The following LYPD6 variants were observed in gnomAD, a reference collection of about 807,000 sequenced individuals.
LYPD6 encodes the protein LY6/PLAUR domain containing 6, also known as ly6/PLAUR domain-containing protein 6.
In LYPD6, 15 loss-of-function variants were observed where a neutral mutation model predicts 22.7. That is an observed-to-expected ratio of 0.66 (90% confidence interval 0.44 to 1.02). The LOEUF (loss-of-function observed/expected upper bound fraction) is 1.02. Ranked by LOEUF, LYPD6 falls within the 50% of genes least tolerant of loss-of-function variation. The probability of loss-of-function intolerance (pLI) is 0.00; values close to 1 mark genes in which losing one functional copy is unlikely to be tolerated. For synonymous variants in LYPD6, 72 were observed against 77.5 expected, an observed-to-expected ratio of 0.93 and a Z score of 0.37; for missense variants, 189 against 208.4, an observed-to-expected ratio of 0.91 and a Z score of 0.57.
intron 1 of LYPD6, among the ~76,000 whole-genome samples, chr2:149,338,992 A>G (rs1681109679): frequency 6.6e-6 from 1 of 152,218 alleles, no homozygotes; most frequent in Non-Finnish European, 1.5e-5. Flanking sequence ...GATAAGAGCA[A>G]TAACATGGTC....
At chr2:149,456,615 T>C (rs1346321129) in intron 3 of LYPD6, among the ~76,000 whole-genome samples, 1 of 152,168 alleles carries the variant, frequency 6.6e-6, no homozygotes, top group Non-Finnish European at 1.5e-5. Context: ...AGCATCCTTA[T>C]AAGAAGAGAT....
intron 2 of LYPD6, among the ~76,000 whole-genome samples, chr2:149,441,106 G>A (rs1683558399): frequency 6.6e-6 from 1 of 152,092 alleles, no homozygotes; most frequent in South Asian, 2.1e-4. Flanking sequence ...AAATGGCGTG[G>A]TTCTATGTCC....
At chr2:149,469,134 G>A (rs1181662163) in intron 4 of LYPD6, among the ~76,000 whole-genome samples, 1 of 152,180 alleles carries the variant, frequency 6.6e-6, no homozygotes, top group Non-Finnish European at 1.5e-5. Flanking sequence ...TTCATCACAG[G>A]AGGACCGACG....
chr2:149,479,035 T>A (rs1453435488), downstream of LYPD6, among the ~76,000 whole-genome samples: 1 of 152,166 alleles, frequency 6.6e-6, no homozygotes, highest in Non-Finnish European at 1.5e-5. Flanking sequence ...ACTCACTCTT[T>A]ATACCAGTCC....
chr2:149,470,411 C>T (rs1454912632), intron 4 of LYPD6, among the ~76,000 whole-genome samples: 2 of 152,184 alleles, frequency 1.3e-5, no homozygotes, highest in Non-Finnish European at 1.5e-5. Context: ...CCCAGGAAGG[C>T]TATACACCTT....
intron 1 of LYPD6, among the ~76,000 whole-genome samples, chr2:149,337,234 T>C (rs549768825): frequency 2.0e-5 from 3 of 152,272 alleles, no homozygotes; most frequent in African/African-American, 7.2e-5. Flanking sequence ...ATGTTTTGAA[T>C]TGAATGATAG....
chr2:149,436,404 A>G (rs1411154143), intron 1 of LYPD6, among the ~76,000 whole-genome samples: 1 of 152,232 alleles, frequency 6.6e-6, no homozygotes, highest in Non-Finnish European at 1.5e-5. Flanking sequence ...GAAGATAGCA[A>G]GAGAATAGCA....
chr2:149,341,004 T>C (rs1328395791), intron 1 of LYPD6, among the ~76,000 whole-genome samples: 1 of 149,858 alleles, frequency 6.7e-6, no homozygotes, highest in Non-Finnish European at 1.5e-5. Context: ...TCTAAAAATA[T>C]TGCCATTTAA....
At chr2:149,399,023 T>A (rs1412294925) in intron 1 of LYPD6, among the ~76,000 whole-genome samples, 1 of 152,202 alleles carries the variant, frequency 6.6e-6, no homozygotes. Context: ...TCATTGACAT[T>A]TGCCACTATG....
chr2:149,390,334 T>C (rs1682280775), intron 1 of LYPD6, among the ~76,000 whole-genome samples: 1 of 152,208 alleles, frequency 6.6e-6, no homozygotes, highest in South Asian at 2.1e-4. Flanking sequence ...CAGTGGCCCT[T>C]GTCCCTCAGG....
intron 1 of LYPD6, among the ~76,000 whole-genome samples, chr2:149,387,212 GT>G (rs1682208609): frequency 6.6e-6 from 1 of 152,146 alleles, no homozygotes; most frequent in Non-Finnish European, 1.5e-5. Context: ...TGAACAAAAA[GT>G]TTTTTCCAAA....
intron 1 of LYPD6, among the ~76,000 whole-genome samples, chr2:149,432,333 A>C (rs1683332004): frequency 6.6e-6 from 1 of 152,254 alleles, no homozygotes; most frequent in African/African-American, 2.4e-5. Flanking sequence ...ATAGCCAAAA[A>C]GTGAAAATCA....
intron 1 of LYPD6, among the ~76,000 whole-genome samples, chr2:149,348,140 CTCTT>C (rs896271640): frequency 6.7e-6 from 1 of 150,204 alleles, no homozygotes; most frequent in Admixed American, 6.6e-5. Flanking sequence ...CCCTGTCTCT[CTCTT>C]TAAATACCCA....
At chr2:149,349,624 G>T (rs959448485) in intron 1 of LYPD6, among the ~76,000 whole-genome samples, 2 of 152,094 alleles carry the variant, frequency 1.3e-5, no homozygotes, top group African/African-American at 2.4e-5. Context: ...AAGAGACTTG[G>T]GTCCCATTAA....
intron 3 of LYPD6, among the ~76,000 whole-genome samples, chr2:149,462,258 T>C (rs192451971): frequency 1.3e-5 from 2 of 152,104 alleles, no homozygotes; most frequent in African/African-American, 4.8e-5. Flanking sequence ...ATGTGGACAC[T>C]GAAATTTAAA....
chr2:149,356,375 A>G lies in LYPD6; in HGVS notation c.-72+25653A>G, dbSNP rs60975057. 3.3e-5 allele frequency among the ~76,000 whole-genome samples: 5 copies of G among 152,306 alleles called. No individual in the cohort carries two copies. The East Asian group carries it at 9.7e-4, about 29-fold the overall frequency. ...GTCATTGGTGACCCCTTTTCTATGT[A>G]TTAGTAAAAGAAAAATCACTGTGGG... On this transcript the variant is annotated intron_variant, in intron 1 of 4. Coordinates refer to ENST00000334166, the MANE Select transcript of LYPD6 (RefSeq NM_194317.5).
intron 1 of LYPD6, among the ~76,000 whole-genome samples, chr2:149,415,312 T>G (rs762071868): frequency 5.9e-5 from 9 of 152,054 alleles, no homozygotes; most frequent in Non-Finnish European, 1.0e-4. Flanking sequence ...AAACCTCAGT[T>G]CCTGGAGAGA....
intron 1 of LYPD6, among the ~76,000 whole-genome samples, chr2:149,380,402 G>A (rs1573756089): frequency 6.6e-6 from 1 of 152,330 alleles, no homozygotes; most frequent in East Asian, 1.9e-4. Flanking sequence ...GGAGGCTTAT[G>A]CGACATTCCA....
chr2:149,332,173 T>G (rs1003231903), intron 1 of LYPD6, among the ~76,000 whole-genome samples: 6 of 152,238 alleles, frequency 3.9e-5, no homozygotes, highest in South Asian at 2.1e-4. Flanking sequence ...GGCACCAGAC[T>G]GAAATAAGAC....
Sources: gnomAD v4.1 joint callset for allele counts (sites outside exome capture counted in the v4.1 genomes callset) on GRCh38, gnomAD v4.1.1 for gene constraint, MANE v1.5 for transcripts, NCBI Gene and HGNC (gene_info 2026-07-23, HGNC 2026-07-21) for gene names.